UBR3: variants seen among roughly 807,000 people sequenced by gnomAD.
The protein encoded by UBR3 is E3 ubiquitin-protein ligase UBR3.
UBR3 carries 85 observed loss-of-function variants against 243.2 expected under a neutral mutation model. The observed-to-expected ratio is 0.35, with a 90% CI of 0.29 to 0.42. UBR3 has a LOEUF of 0.42. Ranked by LOEUF, UBR3 falls within the 10% of genes least tolerant of loss-of-function variation. The pLI is 1.00. For missense variants in UBR3, 1,686 were observed against 2,300.8 expected, an observed-to-expected ratio of 0.73 and a Z score of 5.47; for synonymous variants, 748 against 799.8, an observed-to-expected ratio of 0.94 and a Z score of 1.09.
intron 25 of UBR3, among the ~76,000 whole-genome samples, chr2:169,992,868 C>G (rs570114054): frequency 1.3e-4 from 20 of 152,272 alleles, no homozygotes; most frequent in African/African-American, 3.8e-4. Context: ...TCAAGCAATT[C>G]TCATGCCTTA....
At chr2:169,969,784 C>T (rs1029255902) in intron 24 of UBR3, among the ~76,000 whole-genome samples, 3 of 143,850 alleles carry the variant, frequency 2.1e-5, no homozygotes, top group Non-Finnish European at 4.7e-5. Flanking sequence ...CTCCTGACCT[C>T]GTGATCCGCC....
At chr2:170,031,926 G>T (rs903131952) in intron 31 of UBR3, among the ~76,000 whole-genome samples, 3 of 152,132 alleles carry the variant, frequency 2.0e-5, no homozygotes, top group Non-Finnish European at 4.4e-5. Flanking sequence ...ATCCACTGTT[G>T]ATGGGGACCT....
chr2:169,955,243 G>A (rs1261096975), intron 23 of UBR3, among the ~76,000 whole-genome samples: 2 of 152,048 alleles, frequency 1.3e-5, no homozygotes, highest in Non-Finnish European at 2.9e-5. Context: ...CAATTAATAC[G>A]TAATTTGTGG....
chr2:169,848,331 AT>A (rs1350026360), intron 1 of UBR3, among the ~76,000 whole-genome samples: 2 of 144,988 alleles, frequency 1.4e-5, no homozygotes, highest in Non-Finnish European at 3.0e-5. Flanking sequence ...TAAAAGTATC[AT>A]AGTTTTTTTT....
At position 170,080,345 on chromosome 2, in the gene UBR3, T is replaced by G. The variant is rs373690414; in HGVS notation, c.5410-200T>G. 5 of 656,704 alleles carry G rather than the reference T, an allele frequency of 7.6e-6. No homozygotes were observed. In the African/African-American group the frequency reaches 9.1e-5, roughly 12 times the overall value. The allele number at this position is 656,704 out of a possible 1,614,324, so 40.7% of individuals were successfully genotyped here. On this transcript the variant is annotated intron_variant, in intron 37 of 38. Coordinates refer to ENST00000272793, the MANE Select transcript of UBR3 (RefSeq NM_172070.4). Reference sequence around the variant, plus strand: ...ACTCTGAATTAGGTTGGCTCTTAATTGCTTTACTAGATATTCCTTACCCAA... The same window carrying G: ...ACTCTGAATTAGGTTGGCTCTTAATGGCTTTACTAGATATTCCTTACCCAA...
At chr2:169,914,212 A>ATCT (rs2085364063) in intron 11 of UBR3, 66 bp downstream of exon 11, 2 of 798,160 alleles carry the variant, frequency 2.5e-6, no homozygotes, top group Non-Finnish European at 3.7e-6. Context: ...AAAGTGTTAG[A>ATCT]TTTCATTTAA....
At chr2:169,881,670 T>TTATATA (rs371247984) in intron 5 of UBR3, among the ~76,000 whole-genome samples, 13 of 133,248 alleles carry the variant, frequency 9.8e-5, no homozygotes, top group African/African-American at 3.4e-4. Flanking sequence ...CAGTGATACT[T>TTATATA]TATATATATA....
At chr2:170,054,917 A>T (rs1411471468) in intron 32 of UBR3, among the ~76,000 whole-genome samples, 1 of 152,204 alleles carries the variant, frequency 6.6e-6, no homozygotes, top group Non-Finnish European at 1.5e-5. Context: ...CACCCTTTCC[A>T]CTATGCTGAG....
chr2:169,940,753 T>G (rs2105355781), intron 19 of UBR3, among the ~76,000 whole-genome samples: 1 of 152,336 alleles, frequency 6.6e-6, no homozygotes, highest in South Asian at 2.1e-4. Flanking sequence ...ATTATGAGGC[T>G]GCTATTACAG....
intron 33 of UBR3, among the ~76,000 whole-genome samples, chr2:170,055,934 T>C (rs1371864035): frequency 1.3e-5 from 2 of 151,576 alleles, no homozygotes; most frequent in African/African-American, 4.8e-5. Context: ...TTTGTCCCTA[T>C]CCCCAATCAC....
intron 23 of UBR3, among the ~76,000 whole-genome samples, chr2:169,950,275 A>G (rs564851299): frequency 7.9e-5 from 12 of 152,210 alleles, no homozygotes; most frequent in African/African-American, 1.4e-4. Context: ...TCTGACCCCA[A>G]TGTAAAATTA....
chr2:169,886,649 A>G (rs944047968), intron 5 of UBR3, among the ~76,000 whole-genome samples: 14 of 152,166 alleles, frequency 9.2e-5, no homozygotes, highest in Admixed American at 3.3e-4. Flanking sequence ...ACATCTTTTG[A>G]TAAGCATACC....
In UBR3 at chr2:170,011,840, A is replaced by G. The variant is rs142641613; in HGVS notation, c.4367+2900A>G. On this transcript the variant is annotated intron_variant, in intron 29 of 38. Coordinates refer to ENST00000272793, the MANE Select transcript of UBR3 (RefSeq NM_172070.4). ...ATTTTATTACACATGTCAGTCATCT[A>G]TACAGATAATGGAAACCAAATTGGG... Among the ~76,000 whole-genome samples the G allele has an allele frequency of 2.5e-4, 38 of 152,242 alleles. No homozygotes were observed. In the East Asian group the frequency reaches 6.4e-3, roughly 25 times the overall value.
intron 24 of UBR3, among the ~76,000 whole-genome samples, chr2:169,978,151 T>C (rs1437826051): frequency 6.6e-6 from 1 of 152,182 alleles, no homozygotes; most frequent in Admixed American, 6.5e-5. Flanking sequence ...ATGTCCTTGG[T>C]GGCAAGGCCT....
intron 8 of UBR3, among the ~76,000 whole-genome samples, chr2:169,903,224 T>C (rs995665036): frequency 6.6e-6 from 1 of 152,202 alleles, no homozygotes; most frequent in African/African-American, 2.4e-5. Flanking sequence ...CATTAATGAT[T>C]CCAAGGCGTT....
intron 29 of UBR3, among the ~76,000 whole-genome samples, chr2:170,009,182 T>C (rs1240777345): frequency 6.6e-6 from 1 of 152,114 alleles, no homozygotes; most frequent in African/African-American, 2.4e-5. Context: ...GGGGAAAGTA[T>C]GTTACTAACA....
At chr2:169,874,631 T>A (rs1199064810) in intron 2 of UBR3, among the ~76,000 whole-genome samples, 1 of 152,220 alleles carries the variant, frequency 6.6e-6, no homozygotes, top group African/African-American at 2.4e-5. Context: ...ATATCTGTGT[T>A]AGAGTTTGTT....
In UBR3 at chr2:169,994,366, G is replaced by GA; in HGVS notation, c.3829dup (p.Ile1277AsnfsTer3). ...ACAATGTTGAGCCAAAAAAGTTGCC[G>GA]ATCAGTGAAGAGGAGCAGATTTACC... On this transcript the variant is annotated frameshift_variant, in exon 26 of 39. Coordinates refer to ENST00000272793, the MANE Select transcript of UBR3 (RefSeq NM_172070.4). LOFTEE classifies it high-confidence loss of function. 1 of 1,614,064 alleles carries GA rather than the reference G, an allele frequency of 6.2e-7. No homozygotes were observed. Among genetic ancestry groups the GA allele is most frequent in the Non-Finnish European group, 8.5e-7 (1 of 1,180,010 alleles).
intron 35 of UBR3, among the ~76,000 whole-genome samples, chr2:170,072,585 T>TA (rs1256808517): frequency 2.0e-5 from 3 of 151,812 alleles, no homozygotes; most frequent in African/African-American, 4.8e-5. Flanking sequence ...TAATAAAATT[T>TA]AAAAAAAGTA....
Sources: allele counts gnomAD v4.1 joint callset (sites outside exome capture counted in the v4.1 genomes callset), GRCh38; gene constraint gnomAD v4.1.1; transcripts MANE v1.5; gene names NCBI Gene and HGNC (gene_info 2026-07-23, HGNC 2026-07-21).